RALGAPA2: variants seen among roughly 807,000 people sequenced by gnomAD.
RALGAPA2 encodes ral GTPase-activating protein subunit alpha-2.
Under a neutral mutation model 230.4 loss-of-function variants are expected in RALGAPA2, and 139 were observed. The observed-to-expected ratio is 0.60, with a 90% CI of 0.53 to 0.69. The LOEUF (loss-of-function observed/expected upper bound fraction) is 0.69. Ranked by LOEUF, RALGAPA2 falls within the 30% of genes least tolerant of loss-of-function variation. The pLI is 0.00. For synonymous variants in RALGAPA2, 847 were observed against 837.8 expected, an observed-to-expected ratio of 1.01 and a Z score of -0.19; for missense variants, 2,163 against 2,276.0, an observed-to-expected ratio of 0.95 and a Z score of 1.01.
Position 20,524,896 on chromosome 20 carries a change from G to A in RALGAPA2, c.3696C>T (p.Ile1232=). The change falls in exon 29 of 40, where the codon ATC becomes ATT. Residue 1232 remains isoleucine, a splice_region_variant and synonymous_variant. Coordinates refer to ENST00000202677, the MANE Select transcript of RALGAPA2 (RefSeq NM_020343.4). Reference sequence around the variant, plus strand: ...AAAGAAAAGCAACTGTGGCCACGAGGATCTGCATAAAAGATAAATCCCCAA... The same window carrying A: ...AAAGAAAAGCAACTGTGGCCACGAGAATCTGCATAAAAGATAAATCCCCAA... ...ETSLPRKMAE[I]LVATVAFLLP... is the part of the protein sequence containing the mutation. 1.2e-6 allele frequency: 2 copies of A among 1,604,302 alleles called. No homozygotes were observed. The highest frequency in any genetic ancestry group is 1.3e-5 in the African/African-American group (1 of 74,860).
At chr20:20,532,084 T>A (rs1232891665) in intron 26 of RALGAPA2, among the ~76,000 whole-genome samples, 2 of 152,182 alleles carry the variant, frequency 1.3e-5, no homozygotes, top group African/African-American at 4.8e-5. Context: ...TTGTTGAAAC[T>A]AATAGGTTAT....
At chr20:20,643,638 T>A in intron 4 of RALGAPA2, 89 bp from the exon 5 acceptor site, 1 of 1,176,928 alleles carries the variant, frequency 8.5e-7, no homozygotes. Context: ...ATGACAAAAA[T>A]ATACTTTTTA....
chr20:20,498,759 C>G (rs1189066750), intron 35 of RALGAPA2, among the ~76,000 whole-genome samples: 2 of 152,208 alleles, frequency 1.3e-5, no homozygotes, highest in Non-Finnish European at 2.9e-5. Flanking sequence ...TTCACTCGTA[C>G]TGTATCACTG....
intron 27 of RALGAPA2, among the ~76,000 whole-genome samples, chr20:20,529,402 G>T (rs377678689): frequency 6.6e-6 from 1 of 152,134 alleles, no homozygotes; most frequent in African/African-American, 2.4e-5. Context: ...CATAATTATA[G>T]AAAAGTTGCA....
At chr20:20,549,315 G>A (rs768971839) in intron 23 of RALGAPA2, among the ~76,000 whole-genome samples, 4 of 152,208 alleles carry the variant, frequency 2.6e-5, no homozygotes, top group Non-Finnish European at 4.4e-5. Context: ...AAAGACAGCA[G>A]ATAGGCATGT....
Position 20,584,856 on chromosome 20 carries a change from G to A in RALGAPA2, c.2530+9C>T, listed in dbSNP as rs533189185. 36 of 1,585,492 alleles carry A rather than the reference G, an allele frequency of 2.3e-5. No individual in the cohort carries two copies. The highest frequency in any genetic ancestry group is 1.8e-4 in the South Asian group (16 of 89,538). On this transcript the variant is annotated intron_variant, in intron 19 of 39. Coordinates refer to ENST00000202677, the MANE Select transcript of RALGAPA2 (RefSeq NM_020343.4). The stretch of plus-strand genomic sequence containing the variant: ...GTAGTTGGAGGAACAGACATTTCCC[G>A]GAACTTACTCTTCTGTCTTTCCCTA...
Position 20,609,517 on chromosome 20 carries a change from AAACC to A in RALGAPA2, c.1800+1794_1800+1797del, listed in dbSNP as rs913042362. On this transcript the variant is annotated intron_variant, in intron 14 of 39. Transcript: ENST00000202677. ...GGAGTTTTTTTTTCCCCAAAGATCA[AAACC>A]AACCAACCAACCAAAAACAAAACAA... Among the ~76,000 whole-genome samples, 13 of 152,262 alleles carry A rather than the reference AAACC, an allele frequency of 8.5e-5. No homozygotes were observed. The South Asian group carries it at 1.5e-3, about 17-fold the overall frequency.
intron 24 of RALGAPA2, among the ~76,000 whole-genome samples, chr20:20,543,810 C>T (rs540474885): frequency 6.6e-6 from 1 of 151,846 alleles, no homozygotes; most frequent in Non-Finnish European, 1.5e-5. Context: ...AGCACACCAA[C>T]ATGACACATG....
chr20:20,598,145 T>C (rs1048883331), intron 16 of RALGAPA2, among the ~76,000 whole-genome samples: 11 of 152,328 alleles, frequency 7.2e-5, no homozygotes, highest in Admixed American at 7.2e-4. Context: ...CAACGTTTCT[T>C]TGTTTTGGAA....
rs543128974 is a variant in RALGAPA2 at position 20,522,089 on chromosome 20, T to G, written c.3901-989A>C. 3.9e-5 allele frequency among the ~76,000 whole-genome samples: 6 copies of G among 152,186 alleles called. No individual in the cohort carries two copies. The East Asian group carries it at 1.2e-3, about 30-fold the overall frequency. ...GAGAATTAATTTCTAGTAGCCAAAA[T>G]GCAATAAATGTAGGAAATGCACATT... On this transcript the variant is annotated intron_variant, in intron 30 of 39. Coordinates refer to ENST00000202677, the MANE Select transcript of RALGAPA2 (RefSeq NM_020343.4).
chr20:20,619,311 G>T lies in RALGAPA2; in HGVS notation c.1505C>A (p.Thr502Lys), dbSNP rs1331291950. The change falls in exon 12 of 40, where the codon ACA becomes AAA. Residue 502 changes from threonine (T) to lysine (K), a missense_variant. By Grantham distance (78) the Thr-to-Lys change is moderately conservative (BLOSUM62 -1). Transcript: ENST00000202677. ...SRGCVTEEENTNVKAGVQALL... is the reference protein window; with the variant it reads ...SRGCVTEEENKNVKAGVQALL... ...AGCCTGGACGCCGGCTTTCACATTT[G>T]TATTTTCCTCCTCTGTCACACACCC... 1 of 1,610,648 alleles carries T rather than the reference G, an allele frequency of 6.2e-7. No homozygotes were observed. The highest frequency in any genetic ancestry group is 2.2e-5 in the East Asian group (1 of 44,808).
chr20:20,557,335 A>G (rs2064115639), intron 23 of RALGAPA2, among the ~76,000 whole-genome samples: 1 of 152,098 alleles, frequency 6.6e-6, no homozygotes, highest in South Asian at 2.1e-4. Flanking sequence ...AGTAAAATGC[A>G]CGTACTGTGT....
rs2065658387 is a variant in RALGAPA2, at chr20:20,601,701, A to G, written c.2184T>C (p.Ile728=). ...GTTTACCAGTTGCTTTTTGGCGAAC[A>G]ATATTTCTTGCCTTTTCCACTCCCG... ...GAPGVEKARN[I]VRQKATEVEE... The change falls in exon 16 of 40, where the codon ATT becomes ATC. Residue 728 remains isoleucine (I), a synonymous_variant. Coordinates refer to ENST00000202677, the MANE Select transcript of RALGAPA2 (RefSeq NM_020343.4). 2 of 1,611,664 alleles carry G rather than the reference A, an allele frequency of 1.2e-6. No homozygotes were observed. Among genetic ancestry groups the G allele is most frequent in the Non-Finnish European group, 1.7e-6 (2 of 1,179,174 alleles).
chr20:20,701,009 A>C (rs1382942709), intron 1 of RALGAPA2, among the ~76,000 whole-genome samples: 1 of 152,190 alleles, frequency 6.6e-6, no homozygotes, highest in African/African-American at 2.4e-5. Context: ...GTTTTTTTTA[A>C]AAAGTTACTT....
At chr20:20,537,619 CAAAA>C (rs373034061) in intron 24 of RALGAPA2, among the ~76,000 whole-genome samples, 84 of 41,094 alleles carry the variant, frequency 2.0e-3, no homozygotes, top group African/African-American at 5.5e-3. Flanking sequence ...GACTCCATCT[CAAAA>C]AAAAAAAAAA....
In RALGAPA2 at chr20:20,531,737, T is replaced by C. The variant is rs529746814; in HGVS notation, c.3532A>G (p.Ser1178Gly). The C allele has an allele frequency of 1.8e-5, 29 of 1,609,044 alleles. No individual in the cohort carries two copies. The highest frequency in any genetic ancestry group is 2.2e-5 in the Non-Finnish European group (26 of 1,177,644). Residue 1178 changes from serine to glycine, a missense_variant, in exon 27 of 40, where the codon AGC becomes GGC. Transcript: ENST00000202677. ...WICEELAQCT[S>G]HPQVKEAINV... is the part of the protein sequence containing the mutation. ...ATGGCCTCTTTCACCTGAGGGTGGC[T>C]TGTACACTGTGCAAGCTCTTCACAT...
In RALGAPA2 at chr20:20,513,302, G is replaced by T; in HGVS notation, c.4085-18C>A. ...CTTCTTCTCTGTAAACAGCGGTAAA[G>T]AAACATAAAGAGTCAGTGGTGAATG... On this transcript the variant is annotated intron_variant, in intron 31 of 39. Transcript: ENST00000202677. 1 of 1,351,950 alleles carries T rather than the reference G, an allele frequency of 7.4e-7. No homozygotes were observed. Among genetic ancestry groups the T allele is most frequent in the Non-Finnish European group, 9.5e-7 (1 of 1,047,706 alleles). 83.7% of individuals were successfully genotyped at this position (1,351,950 alleles called of 1,614,324 possible).
At chr20:20,484,241 G>A (rs1479825193) in intron 36 of RALGAPA2, among the ~76,000 whole-genome samples, 1 of 152,198 alleles carries the variant, frequency 6.6e-6, no homozygotes, top group Admixed American at 6.5e-5. Flanking sequence ...AAACACCAAG[G>A]AGTCCATGCA....
chr20:20,636,826 A>T (rs2066877644), intron 8 of RALGAPA2, among the ~76,000 whole-genome samples: 1 of 152,178 alleles, frequency 6.6e-6, no homozygotes, highest in South Asian at 2.1e-4. Flanking sequence ...TAGGAGCCAA[A>T]TTGGAAATTC....
Sources: gnomAD v4.1 joint callset for allele counts (sites outside exome capture counted in the v4.1 genomes callset) on GRCh38, gnomAD v4.1.1 for gene constraint, MANE v1.5 for transcripts, NCBI Gene and HGNC (gene_info 2026-07-23, HGNC 2026-07-21) for gene names.